The following NBEA variants were observed in gnomAD, a reference collection of about 807,000 sequenced individuals.
NBEA encodes neurobeachin.
In NBEA, 44 loss-of-function variants were observed where a neutral mutation model predicts 343.4. That is an observed-to-expected ratio of 0.13 (90% CI 0.10 to 0.16). The LOEUF is 0.16. Among genes scored for constraint, NBEA ranks in the 10% least tolerant of loss-of-function variants. NBEA has a pLI of 1.00. For synonymous variants in NBEA, 1,175 were observed against 1,238.7 expected (o/e 0.95, Z 1.08); for missense variants, 2,555 against 3,631.3 (o/e 0.70, Z 7.62).
At chr13:35,648,963 A>G (rs1450052576) in intron 51 of NBEA, among the ~76,000 whole-genome samples, 3 of 152,134 alleles carry the variant, frequency 2.0e-5, no homozygotes, top group African/African-American at 7.2e-5. Flanking sequence ...CCACCATGGC[A>G]CACGTTTACC....
chr13:35,168,190 C>T (rs1163779926), intron 24 of NBEA, among the ~76,000 whole-genome samples: 3 of 151,402 alleles, frequency 2.0e-5, no homozygotes, highest in South Asian at 2.1e-4. Flanking sequence ...ATATGTTTTC[C>T]TATACAATGT....
At chr13:35,418,053 G>A (rs901653839) in intron 38 of NBEA, among the ~76,000 whole-genome samples, 2 of 152,090 alleles carry the variant, frequency 1.3e-5, no homozygotes, top group African/African-American at 4.8e-5. Flanking sequence ...TCAGAGACTA[G>A]GATTGCAACC....
chr13:35,124,101 T>C (rs1224270480), intron 17 of NBEA, among the ~76,000 whole-genome samples: 1 of 152,100 alleles, frequency 6.6e-6, no homozygotes, highest in Non-Finnish European at 1.5e-5. Flanking sequence ...AAGAAACTGC[T>C]GCTGGCTTAA....
intron 41 of NBEA, among the ~76,000 whole-genome samples, chr13:35,498,348 C>A (rs188685689): frequency 6.6e-6 from 1 of 152,084 alleles, no homozygotes; most frequent in African/African-American, 2.4e-5. Context: ...CCTCCCTAGG[C>A]AAATGGGTTC....
intron 40 of NBEA, among the ~76,000 whole-genome samples, chr13:35,461,151 C>T (rs1181365973): frequency 6.6e-6 from 1 of 152,188 alleles, no homozygotes; most frequent in Non-Finnish European, 1.5e-5. Flanking sequence ...GGTTAAATTT[C>T]AACCTGAGTT....
At chr13:35,231,694 AATC>A (rs1475215382) in intron 33 of NBEA, among the ~76,000 whole-genome samples, 3 of 152,094 alleles carry the variant, frequency 2.0e-5, no homozygotes, top group Non-Finnish European at 2.9e-5. Context: ...TAGGTACTGC[AATC>A]ATCTTCATTT....
At chr13:35,554,940 T>G in intron 43 of NBEA, 47 bp from the exon 44 acceptor site, 2 of 924,044 alleles carry the variant, frequency 2.2e-6, no homozygotes, top group Non-Finnish European at 3.2e-6. Flanking sequence ...TTTTTTAAAG[T>G]TATGAATTAA....
chr13:35,241,079 A>G (rs1399088134), intron 34 of NBEA, among the ~76,000 whole-genome samples: 2 of 151,906 alleles, frequency 1.3e-5, no homozygotes, highest in Non-Finnish European at 2.9e-5. Context: ...ATCAATTTTA[A>G]TAAAAATTTG....
intron 16 of NBEA, among the ~76,000 whole-genome samples, chr13:35,121,999 C>G (rs894934347): frequency 1.3e-5 from 2 of 151,954 alleles, no homozygotes; most frequent in African/African-American, 4.8e-5. Flanking sequence ...GTCATTGTCC[C>G]TTCTACTTTA....
chr13:35,550,657 G>A, intron 42 of NBEA, 63 bp downstream of exon 42: 1 of 989,156 alleles, frequency 1.0e-6, no homozygotes, highest in Non-Finnish European at 1.6e-6. Context: ...CATTTACATG[G>A]TATGATAATG....
At chr13:35,435,262 C>T (rs1012280823) in intron 39 of NBEA, among the ~76,000 whole-genome samples, 3 of 152,094 alleles carry the variant, frequency 2.0e-5, no homozygotes, top group African/African-American at 7.2e-5. Context: ...ATCCACCCAC[C>T]TCGGTCTCCC....
chr13:35,282,661 G>A (rs2035132294), intron 34 of NBEA, among the ~76,000 whole-genome samples: 1 of 152,108 alleles, frequency 6.6e-6, no homozygotes, highest in Non-Finnish European at 1.5e-5. Flanking sequence ...AGACACTCAG[G>A]TCAGTCACCT....
intron 38 of NBEA, among the ~76,000 whole-genome samples, chr13:35,417,380 T>C (rs1321368941): frequency 6.6e-6 from 1 of 152,180 alleles, no homozygotes; most frequent in Non-Finnish European, 1.5e-5. Flanking sequence ...TTTGGTGCTA[T>C]AAATTTCCCT....
chr13:35,327,807 C>G (rs919789341), intron 36 of NBEA, among the ~76,000 whole-genome samples: 6 of 151,818 alleles, frequency 4.0e-5, no homozygotes, highest in Non-Finnish European at 8.8e-5. Flanking sequence ...GAATATATAT[C>G]AATGAATATT....
At chr13:35,481,803 T>A (rs2076132201) in intron 41 of NBEA, among the ~76,000 whole-genome samples, 1 of 152,014 alleles carries the variant, frequency 6.6e-6, no homozygotes, top group Admixed American at 6.5e-5. Context: ...TATACACAAA[T>A]GTATGTATGA....
intron 38 of NBEA, among the ~76,000 whole-genome samples, chr13:35,361,860 C>G (rs1191814996): frequency 6.6e-6 from 1 of 151,842 alleles, no homozygotes; most frequent in Non-Finnish European, 1.5e-5. Context: ...TGTAGGCAAA[C>G]AGATCAGTGG....
chr13:35,341,156 GAA>G (rs2039561466), intron 36 of NBEA, among the ~76,000 whole-genome samples: 2 of 151,898 alleles, frequency 1.3e-5, no homozygotes, highest in African/African-American at 4.8e-5. Context: ...TACCATTGTT[GAA>G]AAGACGGTCA....
intron 45 of NBEA, among the ~76,000 whole-genome samples, chr13:35,573,547 T>C (rs1272640043): frequency 6.6e-6 from 1 of 152,214 alleles, no homozygotes; most frequent in Non-Finnish European, 1.5e-5. Flanking sequence ...CAGGGAGCTT[T>C]ATAGATTTAT....
intron 16 of NBEA, among the ~76,000 whole-genome samples, chr13:35,120,149 G>A (rs1222748567): frequency 6.6e-6 from 1 of 152,130 alleles, no homozygotes; most frequent in African/African-American, 2.4e-5. Flanking sequence ...AGATTGTCTA[G>A]TATGATGAAA....
Sources: allele counts gnomAD v4.1 joint callset (sites outside exome capture counted in the v4.1 genomes callset), GRCh38; gene constraint gnomAD v4.1.1; transcripts MANE v1.5; gene names NCBI Gene and HGNC (gene_info 2026-07-23, HGNC 2026-07-21).